ABCA4: variants seen among roughly 807,000 people sequenced by gnomAD.
ABCA4 encodes the protein retinal-specific phospholipid-transporting ATPase ABCA4.
A neutral mutation model predicts 263.7 loss-of-function variants in ABCA4; 196 were observed. That is an observed-to-expected ratio of 0.74 (90% CI 0.66 to 0.84). The LOEUF (loss-of-function observed/expected upper bound fraction) is 0.84. Among genes scored for constraint, ABCA4 ranks in the 40% least tolerant of loss-of-function variants. The pLI, the probability that ABCA4 is intolerant of heterozygous loss-of-function variation, is 0.00. For missense variants in ABCA4, 2,792 were observed against 2,855.1 expected, an observed-to-expected ratio of 0.98 and a Z score of 0.50; for synonymous variants, 1,133 against 1,094.2, an observed-to-expected ratio of 1.04 and a Z score of -0.70.
Position 94,040,063 on chromosome 1 carries a change from G to A in ABCA4, c.3587C>T (p.Thr1196Ile). ...TTCPAHVDDL[T>I]PEQVLDGDVN... ...CTTACCATCCAGGACTTGTTCTGGA[G>A]TTAGGTCATCGACGTGGGCTGGACA... The change falls in exon 24 of 50, where the codon ACT (threonine) becomes ATT (isoleucine). Residue 1196 changes from threonine (T) to isoleucine (I), a missense_variant. Thr to Ile is a moderately conservative substitution (Grantham distance 89). Transcript: ENST00000370225. The A allele has an allele frequency of 6.2e-7, 1 of 1,607,916 alleles. No homozygotes were observed. The highest frequency in any genetic ancestry group is 1.3e-5 in the African/African-American group (1 of 74,994).
intron 11 of ABCA4, among the ~76,000 whole-genome samples, chr1:94,070,891 G>A (rs559400280): frequency 4.2e-4 from 64 of 152,312 alleles, no homozygotes; most frequent in African/African-American, 1.3e-3. Flanking sequence ...AGCTGTGGGC[G>A]CTAAGTCTTG....
intron 6 of ABCA4, among the ~76,000 whole-genome samples, chr1:94,090,582 C>G (rs1291330774): frequency 1.3e-5 from 2 of 152,214 alleles, no homozygotes; most frequent in Non-Finnish European, 2.9e-5. Flanking sequence ...GCTCTTCCAG[C>G]TTTCCTTCCC....
In ABCA4 at chr1:93,993,103, C is replaced by G; in HGVS notation, c.*134G>C. 1 of 1,190,588 alleles carries G rather than the reference C, an allele frequency of 8.4e-7. No individual in the cohort carries two copies. Among genetic ancestry groups the G allele is most frequent in the Non-Finnish European group, 1.2e-6 (1 of 812,822 alleles). The allele number at this position is 1,190,588 out of a possible 1,614,324, so 73.8% of individuals were successfully genotyped here. A position where few individuals can be genotyped will look rare whatever the true frequency, so the allele number is the denominator to read the frequency against. ...CTTTCTGAATTCGCTGCATGCTCCT[C>G]GTGTGTTTGTTTTCTGCTGCAGTGG... On this transcript the variant is annotated 3_prime_UTR_variant, in exon 50 of 50. Transcript: ENST00000370225.
At chr1:94,102,989 A>T in intron 5 of ABCA4, 26 bp downstream of exon 5, 1 of 1,614,066 alleles carries the variant, frequency 6.2e-7, no homozygotes, top group Non-Finnish European at 8.5e-7. Context: ...CCCTCCAGGG[A>T]CCACTGGCCA....
rs1194603868 is a variant in ABCA4 at position 94,044,668 on chromosome 1, C to A, written c.2995G>T (p.Asp999Tyr). ...VGGRDIETSL[D>Y]AVRQSLGMCP... ...ATGCCAAGGCTCTGCCGGACTGCAT[C>A]CAGGCTGGTTTCAATGTCCCTTCCC... Residue 999 changes from aspartate to tyrosine, a missense_variant, in exon 20 of 50, where the codon GAT becomes TAT. Asp to Tyr is a radical substitution (Grantham distance 160). Transcript: ENST00000370225. The A allele has an allele frequency of 1.9e-6, 3 of 1,614,196 alleles. No homozygotes were observed. Among genetic ancestry groups the A allele is most frequent in the East Asian group, 2.2e-5 (1 of 44,870 alleles).
At chr1:94,022,026 AG>A (rs1659916874) in intron 32 of ABCA4, 75 bp from the exon 33 acceptor site, 5 of 1,280,094 alleles carry the variant, frequency 3.9e-6, no homozygotes, top group Middle Eastern at 1.8e-4. Context: ...CGGGTTTTGT[AG>A]GGAAACATGA....
At chr1:94,098,654 T>A in intron 6 of ABCA4, 140 bp downstream of exon 6, 1 of 985,818 alleles carries the variant, frequency 1.0e-6, no homozygotes, top group South Asian at 1.4e-5. Flanking sequence ...CAGTTGTGAT[T>A]TTTTGAGCCC....
intron 11 of ABCA4, among the ~76,000 whole-genome samples, chr1:94,074,829 T>C (rs1033514867): frequency 1.3e-5 from 2 of 152,236 alleles, no homozygotes; most frequent in Non-Finnish European, 2.9e-5. Flanking sequence ...TTACTGGGTA[T>C]ATAACCAAAG....
chr1:94,086,261 C>T (rs143195828), intron 6 of ABCA4, among the ~76,000 whole-genome samples: 2 of 152,290 alleles, frequency 1.3e-5, no homozygotes, highest in African/African-American at 4.8e-5. Flanking sequence ...CTTTGTATCA[C>T]CAAGCTTTTT....
At chr1:94,065,702 A>C (rs1661251078) in intron 11 of ABCA4, among the ~76,000 whole-genome samples, 1 of 152,212 alleles carries the variant, frequency 6.6e-6, no homozygotes, top group African/African-American at 2.4e-5. Flanking sequence ...TCCAGCTGAT[A>C]TGGGCAGAGG....
intron 17 of ABCA4, among the ~76,000 whole-genome samples, chr1:94,050,001 G>A (rs1050405721): frequency 2.6e-5 from 4 of 152,160 alleles, no homozygotes; most frequent in Non-Finnish European, 5.9e-5. Context: ...AAGGGCTCTC[G>A]GCCTCAAGTG....
At chr1:94,048,753 G>C (rs956258564) in intron 18 of ABCA4, 115 bp downstream of exon 18, 8 of 960,144 alleles carry the variant, frequency 8.3e-6, no homozygotes, top group Admixed American at 3.8e-5. Flanking sequence ...TCCACAGAGA[G>C]AGTCAGTTTC....
intron 22 of ABCA4, 33 bp downstream of exon 22, chr1:94,042,728 G>C (rs1363262409): frequency 6.2e-7 from 1 of 1,614,028 alleles, no homozygotes; most frequent in Non-Finnish European, 8.5e-7. Context: ...TGCAGTGAGA[G>C]CCCAGCCCAG....
intron 11 of ABCA4, 42 bp downstream of exon 11, chr1:94,077,648 G>T (rs778137731): frequency 1.3e-6 from 2 of 1,556,946 alleles, no homozygotes; most frequent in South Asian, 1.2e-5. Flanking sequence ...CACTCATGGG[G>T]CTATCTTCAA....
intron 47 of ABCA4, among the ~76,000 whole-genome samples, chr1:93,999,114 C>T (rs1050154077): frequency 6.6e-6 from 1 of 151,888 alleles, no homozygotes; most frequent in African/African-American, 2.4e-5. Flanking sequence ...GGTGTGATCT[C>T]GATTCACTGC....
chr1:94,078,569 CCAT>C lies in ABCA4; in HGVS notation c.1356+18_1356+20del. 4 of 1,060,282 alleles carry C rather than the reference CCAT, an allele frequency of 3.8e-6. No individual in the cohort carries two copies. The highest frequency in any genetic ancestry group is 5.6e-6 in the Non-Finnish European group (4 of 711,858). The allele number at this position is 1,060,282 out of a possible 1,614,324, so 65.7% of individuals were successfully genotyped here. On this transcript the variant is annotated intron_variant, in intron 10 of 49. Coordinates refer to ENST00000370225, the MANE Select transcript of ABCA4 (RefSeq NM_000350.3). ...ACCGCTTCCTCCTCCCCTCCCCTCCCCATCCTCCAACCCCCCTTACTCTGATCA... is the reference window on the plus strand; with the variant it reads ...ACCGCTTCCTCCTCCCCTCCCCTCCCCCTCCAACCCCCCTTACTCTGATCA...
chr1:93,995,387 T>C (rs751588052), intron 49 of ABCA4, among the ~76,000 whole-genome samples: 11 of 152,250 alleles, frequency 7.2e-5, no homozygotes, highest in Non-Finnish European at 1.3e-4. Flanking sequence ...GAGTGGCTAA[T>C]TCATCCCTCT....
intron 32 of ABCA4, 90 bp downstream of exon 32, chr1:94,023,296 A>AT: frequency 8.9e-7 from 1 of 1,122,816 alleles, no homozygotes; most frequent in African/African-American, 1.5e-5. Flanking sequence ...GCCCCTCCTC[A>AT]TGGCTGTGAG....
chr1:94,030,413 C>T lies in ABCA4; in HGVS notation c.4352+15G>A, dbSNP rs139611589. 134 of 1,612,892 alleles carry T rather than the reference C, an allele frequency of 8.3e-5. 1 individual carries two copies. In the African/African-American group the frequency reaches 1.1e-3, roughly 13 times the overall value. On this transcript the variant is annotated intron_variant, in intron 29 of 49. Coordinates refer to ENST00000370225, the MANE Select transcript of ABCA4 (RefSeq NM_000350.3). Reference sequence around the variant, plus strand: ...GGAGCTAGTCTTCTTAGGACAGGGGCGCGTAGGCACTTACGGAAGCCACCC... The same window carrying T: ...GGAGCTAGTCTTCTTAGGACAGGGGTGCGTAGGCACTTACGGAAGCCACCC...
Sources: allele counts gnomAD v4.1 joint callset (sites outside exome capture counted in the v4.1 genomes callset), GRCh38; gene constraint gnomAD v4.1.1; transcripts MANE v1.5; gene names NCBI Gene and HGNC (gene_info 2026-07-23, HGNC 2026-07-21).